ATP12A: variants seen among roughly 807,000 people sequenced by gnomAD.
ATP12A encodes ATPase H+/K+ transporting non-gastric alpha2 subunit.
ATP12A carries 81 observed loss-of-function variants against 111.2 expected under a neutral mutation model. That is an observed-to-expected ratio of 0.73 (90% CI 0.61 to 0.88). The LOEUF (loss-of-function observed/expected upper bound fraction) is 0.88, where lower values mean the gene tolerates loss of function less well. Ranked by LOEUF, ATP12A falls within the 40% of genes least tolerant of loss-of-function variation. The probability of loss-of-function intolerance (pLI) is 0.00; values close to 1 mark genes in which losing one functional copy is unlikely to be tolerated. For missense variants in ATP12A, 1,196 were observed against 1,313.1 expected (o/e 0.91, Z 1.38); for synonymous variants, 498 against 499.8 (o/e 1.00, Z 0.05).
chr13:24,696,581 G>A lies in ATP12A; in HGVS notation c.1512+2003G>A, dbSNP rs531272389. On this transcript the variant is annotated intron_variant, in intron 11 of 22. Transcript: ENST00000381946. ...CAAAAAATTAGCCGGGCGCGGTGGCGGGCGCCTGTAGTCCCAGCTACTCGG... is the reference window on the plus strand; with the variant it reads ...CAAAAAATTAGCCGGGCGCGGTGGCAGGCGCCTGTAGTCCCAGCTACTCGG... Among the ~76,000 whole-genome samples, 591 of 126,796 alleles carry A rather than the reference G, an allele frequency of 4.7e-3. 66 individuals are homozygous for A. Among genetic ancestry groups the A allele is most frequent in the Non-Finnish European group, 7.8e-3 (463 of 59,682 alleles). The allele number at this position is 126,796 out of a possible 152,430, so 83.2% of individuals were successfully genotyped here.
rs1474992444 is a variant in ATP12A, at chr13:24,692,594, A to C, written c.1234A>C (p.Ile412Leu). 1 of 1,614,038 alleles carries C rather than the reference A, an allele frequency of 6.2e-7. No homozygotes were observed. The highest frequency in any genetic ancestry group is 8.5e-7 in the Non-Finnish European group (1 of 1,179,910). ...TVAHLWFDNQIFVADTSEDHS... is the reference protein window; with the variant it reads ...TVAHLWFDNQLFVADTSEDHS... ...GGCCCATCTGTGGTTCGACAATCAG[A>C]TCTTTGTGGCTGACACCAGTGAGGA... Residue 412 changes from isoleucine (I) to leucine (L), a missense_variant, in exon 9 of 23, where the codon ATC becomes CTC. Ile to Leu is a conservative substitution (Grantham distance 5, BLOSUM62 2). Coordinates refer to ENST00000381946, the MANE Select transcript of ATP12A (RefSeq NM_001676.7).
Position 24,680,706 on chromosome 13 carries a change from C to A in ATP12A, c.-38C>A. 1 of 1,500,846 alleles carries A rather than the reference C, an allele frequency of 6.7e-7. No individual in the cohort carries two copies. The highest frequency in any genetic ancestry group is 8.8e-7 in the Non-Finnish European group (1 of 1,132,408). The allele number at this position is 1,500,846 out of a possible 1,614,324, so 93.0% of individuals were successfully genotyped here. On this transcript the variant is annotated 5_prime_UTR_variant, in exon 1 of 23. Coordinates refer to ENST00000381946, the MANE Select transcript of ATP12A (RefSeq NM_001676.7). Reference sequence around the variant, plus strand: ...CTCCGCCGCTGCGGTCCCGGATCCGCGCTCCACGCCCGCAGCCCGCGGCGC... The same window carrying A: ...CTCCGCCGCTGCGGTCCCGGATCCGAGCTCCACGCCCGCAGCCCGCGGCGC...
At chr13:24,695,630 G>T (rs1019781801) in intron 11 of ATP12A, among the ~76,000 whole-genome samples, 2 of 125,022 alleles carry the variant, frequency 1.6e-5, no homozygotes, top group Non-Finnish European at 3.3e-5. Context: ...TTTTTGAGAA[G>T]GAGTTTCACT....
rs777746003 is a variant in ATP12A, at chr13:24,691,084, T to C, written c.902T>C (p.Ile301Thr). 12 of 1,614,244 alleles carry C rather than the reference T, an allele frequency of 7.4e-6. No individual in the cohort carries two copies. Among genetic ancestry groups the C allele is most frequent in the South Asian group, 1.1e-5 (1 of 91,084 alleles). The change falls in exon 8 of 23, where the codon ATT becomes ACT. Residue 301 changes from isoleucine to threonine, a missense_variant. Physicochemically the swap from Ile to Thr is moderately conservative, Grantham distance 89. Coordinates refer to ENST00000381946, the MANE Select transcript of ATP12A (RefSeq NM_001676.7). Reference protein sequence around the residue: ...GVGNEKTPIAIEIEHFVHIVA... With the variant: ...GVGNEKTPIATEIEHFVHIVA... ...GGAAATGAGAAGACGCCCATTGCCATTGAGATCGAGCACTTTGTTCACATT... is the reference window on the plus strand; with the variant it reads ...GGAAATGAGAAGACGCCCATTGCCACTGAGATCGAGCACTTTGTTCACATT...
chr13:24,697,486 C>T (rs1198087985), intron 11 of ATP12A, among the ~76,000 whole-genome samples: 1 of 151,490 alleles, frequency 6.6e-6, no homozygotes. Context: ...AAACAAAAAA[C>T]GAAATTAGCT....
In ATP12A at chr13:24,690,230, A is replaced by G. The variant is rs1874820413; in HGVS notation, c.547-108A>G. On this transcript the variant is annotated intron_variant, in intron 5 of 22. Coordinates refer to ENST00000381946, the MANE Select transcript of ATP12A (RefSeq NM_001676.7). ...CAGCATGGACTCAACAGTGAGAGTG[A>G]TCAGGAAGTTCCAAGGCCTCTGTCC... 8 of 1,510,516 alleles carry G rather than the reference A, an allele frequency of 5.3e-6. No homozygotes were observed. The South Asian group carries it at 8.9e-5, about 17-fold the overall frequency. 93.6% of individuals were successfully genotyped at this position (1,510,516 alleles called of 1,614,324 possible). A position where few individuals can be genotyped will look rare whatever the true frequency, so the allele number is the denominator to read the frequency against.
In ATP12A at chr13:24,707,031, TG is replaced by T. The variant is rs763172538; in HGVS notation, c.2179del (p.Val727LeufsTer3). The T allele has an allele frequency of 6.2e-7, 1 of 1,603,772 alleles. No individual in the cohort carries two copies. Among genetic ancestry groups the T allele is most frequent in the South Asian group, 1.1e-5 (1 of 89,234 alleles). ...VEGCQRQDAV[V>X]AVTGDGVNDS... is the part of the protein sequence containing the mutation. ...TGGGTCCCCCGCCATAGGATGCTGT[TG>T]TTGCTGTGACCGGGGATGGAGTTAA... On this transcript the variant is annotated frameshift_variant, in exon 16 of 23. Transcript: ENST00000381946. LOFTEE classifies it high-confidence loss of function.
intron 11 of ATP12A, among the ~76,000 whole-genome samples, chr13:24,695,600 CTTTTTTTTTTTTT>C (rs34227271): frequency 1.1e-5 from 1 of 88,418 alleles, no homozygotes; most frequent in Non-Finnish European, 2.1e-5. Context: ...GGGAAGAACT[CTTTTTTTTTTTTT>C]TTTTTTTTTT....
At chr13:24,709,279 G>GCCCCCCCCCCCCCCCCCCCCCCC in intron 17 of ATP12A, 85 bp from the exon 18 acceptor site, 2 of 211,220 alleles carry the variant, frequency 9.5e-6, no homozygotes, top group Non-Finnish European at 1.8e-5. Context: ...TCCAGCCAGT[G>GCCCCCCCCCCCCCCCCCCCCCCC]CCCCACCCAC....
rs1404749411 is a variant in ATP12A, at chr13:24,709,817, G to C, written c.2752G>C (p.Gly918Arg). 1 of 1,614,018 alleles carries C rather than the reference G, an allele frequency of 6.2e-7. No individual in the cohort carries two copies. The highest frequency in any genetic ancestry group is 1.3e-5 in the African/African-American group (1 of 74,952). ...DYVNDLKDSYGQEWTRYQREY... is the reference protein window; with the variant it reads ...DYVNDLKDSYRQEWTRYQREY... ...CGTGAATGACTTGAAAGACAGCTATGGGCAGGAATGGGTGAGTGGCGGGAG... is the reference window on the plus strand; with the variant it reads ...CGTGAATGACTTGAAAGACAGCTATCGGCAGGAATGGGTGAGTGGCGGGAG... The change falls in exon 19 of 23, where the codon GGG (glycine) becomes CGG (arginine). Residue 918 changes from glycine to arginine, a missense_variant. Transcript: ENST00000381946.
intron 15 of ATP12A, 117 bp from the exon 16 acceptor site, chr13:24,706,906 G>A (rs965864231): frequency 5.1e-5 from 60 of 1,173,766 alleles, no homozygotes; most frequent in African/African-American, 6.2e-5. Context: ...GGGCCTTTCC[G>A]TTCAGCTATA....
rs1566077263 is a variant in ATP12A at position 24,706,419 on chromosome 13, TCCCCC to T, written c.2127_2131del (p.Pro710AlafsTer24). On this transcript the variant is annotated frameshift_variant, in exon 15 of 23. Transcript: ENST00000381946. LOFTEE classifies it high-confidence loss of function. The stretch of plus-strand genomic sequence containing the variant: ...CCAGGAGATTGTCTTTGCCCGGACA[TCCCCC>T]CAGCAGAAGCTGATCATTGTGGAGG... 2 of 1,613,864 alleles carry T rather than the reference TCCCCC, an allele frequency of 1.2e-6. No individual in the cohort carries two copies. The highest frequency in any genetic ancestry group is 1.7e-6 in the Non-Finnish European group (2 of 1,179,996).
intron 20 of ATP12A, 64 bp downstream of exon 20, chr13:24,710,657 T>C: frequency 6.2e-7 from 1 of 1,610,750 alleles, no homozygotes; most frequent in African/African-American, 1.3e-5. Context: ...GATGATGATT[T>C]GTTTTTCACA....
chr13:24,704,749 G>T, intron 14 of ATP12A: 2 of 214,350 alleles, frequency 9.3e-6, no homozygotes, highest in South Asian at 1.3e-4. Flanking sequence ...TGACTTTTAT[G>T]ATTCTTGCCT....
chr13:24,681,977 TG>T (rs1874460892), intron 2 of ATP12A, among the ~76,000 whole-genome samples: 1 of 123,670 alleles, frequency 8.1e-6, no homozygotes, highest in Non-Finnish European at 1.7e-5. Flanking sequence ...GTGTATGGTG[TG>T]TGGTGTGTGT....
At chr13:24,697,590 T>C (rs1402028958) in intron 11 of ATP12A, among the ~76,000 whole-genome samples, 1 of 145,440 alleles carries the variant, frequency 6.9e-6, no homozygotes, top group East Asian at 2.0e-4. Flanking sequence ...CAGTGAGCTG[T>C]GATCGTGCCA....
Position 24,701,973 on chromosome 13 carries a change from A to G in ATP12A, c.1920A>G (p.Lys640=). Residue 640 remains lysine (K), a synonymous_variant, in exon 14 of 23, where the codon AAA becomes AAG. Transcript: ENST00000381946. The part of the protein sequence containing the change: ...MVTGDHPITA[K]AIAKSVGIIS... Reference sequence around the variant, plus strand: ...CTGGTGATCATCCCATCACAGCCAAAGCTATTGCCAAGAGTGTGGGGATCA... The same window carrying G: ...CTGGTGATCATCCCATCACAGCCAAGGCTATTGCCAAGAGTGTGGGGATCA... 4.3e-6 allele frequency: 7 copies of G among 1,614,224 alleles called. No homozygotes were observed. Among genetic ancestry groups the G allele is most frequent in the Non-Finnish European group, 5.9e-6 (7 of 1,180,036 alleles).
At chr13:24,683,374 A>G (rs2137687328) in intron 2 of ATP12A, among the ~76,000 whole-genome samples, 1 of 152,270 alleles carries the variant, frequency 6.6e-6, no homozygotes, top group South Asian at 2.1e-4. Context: ...GATTGTCCCC[A>G]CCGTCCTTGG....
Position 24,688,392 on chromosome 13 carries a change from C to A in ATP12A, c.302C>A (p.Thr101Lys), listed in dbSNP as rs146927457. 3 of 1,614,184 alleles carry A rather than the reference C, an allele frequency of 1.9e-6. No homozygotes were observed. The highest frequency in any genetic ancestry group is 2.2e-5 in the East Asian group (1 of 44,872). ...GPNSLTPPKQ[T>K]PEIVKFLKQM... ...AACTCCCTCACCCCTCCCAAGCAGA[C>A]GCCTGAGATCGTCAAGTTCCTCAAG... The change falls in exon 4 of 23, where the codon ACG (threonine) becomes AAG (lysine). Residue 101 changes from threonine to lysine, a missense_variant. Coordinates refer to ENST00000381946, the MANE Select transcript of ATP12A (RefSeq NM_001676.7).
Sources: allele counts gnomAD v4.1 joint callset (sites outside exome capture counted in the v4.1 genomes callset), GRCh38; gene constraint gnomAD v4.1.1; transcripts MANE v1.5; gene names NCBI Gene and HGNC (gene_info 2026-07-23, HGNC 2026-07-21).